TTC6: variants seen among roughly 807,000 people sequenced by gnomAD.
TTC6 encodes tetratricopeptide repeat protein 6.
A neutral mutation model predicts 210.4 loss-of-function variants in TTC6; 172 were observed. The ratio of observed to expected loss-of-function variants is 0.82; its 90% CI spans 0.72 to 0.93. The LOEUF (loss-of-function observed/expected upper bound fraction) is 0.93, where lower values mean the gene tolerates loss of function less well. Among genes scored for constraint, TTC6 ranks in the 40% least tolerant of loss-of-function variants. The probability of loss-of-function intolerance (pLI) is 0.00; values close to 1 mark genes in which losing one functional copy is unlikely to be tolerated. For synonymous variants in TTC6, 804 were observed against 819.6 expected (o/e 0.98, Z 0.32); for missense variants, 2,414 against 2,318.1 (o/e 1.04, Z -0.85).
upstream of TTC6, among the ~76,000 whole-genome samples, chr14:37,618,079 G>A (rs1383302067): frequency 2.6e-5 from 4 of 152,218 alleles, no homozygotes; most frequent in South Asian, 2.1e-4. Context: ...ACCAAGTCAT[G>A]TGGTAATCTG....
At chr14:37,748,884 T>C in intron 10 of TTC6, 55 bp from the exon 13 acceptor site, 1 of 1,340,938 alleles carries the variant, frequency 7.5e-7, no homozygotes, top group Non-Finnish European at 9.8e-7. Context: ...GATTTACTGA[T>C]TAGAAAGATG....
chr14:37,781,432 T>G (rs1219600622), intron 14 of TTC6, among the ~76,000 whole-genome samples: 1 of 152,044 alleles, frequency 6.6e-6, no homozygotes, highest in Non-Finnish European at 1.5e-5. Context: ...GTCTTTTTTT[T>G]GAAAAGTGTT....
intron 3 of TTC6, among the ~76,000 whole-genome samples, chr14:37,688,180 T>A (rs1720121419): frequency 6.6e-6 from 1 of 152,168 alleles, no homozygotes; most frequent in South Asian, 2.1e-4. Flanking sequence ...GGGCCTGAGA[T>A]GGCGGTGGCC....
chr14:37,660,026 A>C (rs2095733945), intron 1 of TTC6, among the ~76,000 whole-genome samples: 1 of 152,158 alleles, frequency 6.6e-6, no homozygotes, highest in Non-Finnish European at 1.5e-5. Context: ...CATAGTTTGC[A>C]AAAATTTTCT....
chr14:37,672,554 A>G (rs917801805), intron 1 of TTC6, among the ~76,000 whole-genome samples: 1 of 152,202 alleles, frequency 6.6e-6, no homozygotes, highest in Admixed American at 6.6e-5. Context: ...AACTCACTCA[A>G]CAGTTGGTAC....
intron 14 of TTC6, among the ~76,000 whole-genome samples, chr14:37,764,561 A>G (rs2095993058): frequency 6.6e-6 from 1 of 151,974 alleles, no homozygotes; most frequent in African/African-American, 2.4e-5. Flanking sequence ...CTTAAAATCT[A>G]TTTGGTCTGA....
exon 11 of TTC6, chr14:37,749,141 C>T: frequency 1.0e-5 from 16 of 1,535,360 alleles, no homozygotes; most frequent in Non-Finnish European, 1.4e-5. Flanking sequence ...TGCGAGCATA[C>T]CTGTAAAAGA....
At chr14:37,700,714 G>C (rs1331426547) in intron 4 of TTC6, among the ~76,000 whole-genome samples, 1 of 122,326 alleles carries the variant, frequency 8.2e-6, no homozygotes, top group Non-Finnish European at 1.6e-5. Flanking sequence ...CTGCATCCCA[G>C]CCTGAGACTG....
chr14:37,738,803 AAGG>A (rs2095909187), exon 10 of TTC6: 1 of 1,513,606 alleles, frequency 6.6e-7, no homozygotes, highest in Admixed American at 2.1e-5. Context: ...AGACTTGAGG[AAGG>A]AGAAGATCAT....
intron 6 of TTC6, among the ~76,000 whole-genome samples, chr14:37,715,889 G>A (rs562132980): frequency 6.6e-6 from 1 of 152,218 alleles, no homozygotes; most frequent in South Asian, 2.1e-4. Flanking sequence ...AAAAATCCAG[G>A]AATATGTAGA....
intron 1 of TTC6, among the ~76,000 whole-genome samples, chr14:37,675,938 G>A (rs1224671769): frequency 6.6e-6 from 1 of 151,806 alleles, no homozygotes; most frequent in East Asian, 1.9e-4. Flanking sequence ...AAAATTTGTT[G>A]TCTATCTCCT....
intron 1 of TTC6, among the ~76,000 whole-genome samples, chr14:37,625,096 T>C (rs890421116): frequency 6.6e-6 from 1 of 152,140 alleles, no homozygotes; most frequent in Non-Finnish European, 1.5e-5. Context: ...CGTTCTTGGC[T>C]TTTAAAATTT....
chr14:37,743,713 G>C (rs1232874655), intron 10 of TTC6, among the ~76,000 whole-genome samples: 1 of 152,178 alleles, frequency 6.6e-6, no homozygotes, highest in Non-Finnish European at 1.5e-5. Flanking sequence ...GATATGTATA[G>C]CTTCAAACTT....
At chr14:37,656,018 G>A (rs756982664) in intron 1 of TTC6, among the ~76,000 whole-genome samples, 1 of 152,138 alleles carries the variant, frequency 6.6e-6, no homozygotes, top group African/African-American at 2.4e-5. Context: ...CATCTCCACA[G>A]TACCTTCTTT....
intron 1 of TTC6, among the ~76,000 whole-genome samples, chr14:37,659,651 A>G (rs1335777813): frequency 2.6e-5 from 4 of 151,922 alleles, no homozygotes; most frequent in African/African-American, 9.7e-5. Context: ...CTCCCGAACA[A>G]CTGGGATTAC....
At chr14:37,714,593 C>T (rs925351881) in intron 5 of TTC6, 62 bp from the exon 8 acceptor site, 7 of 1,377,458 alleles carry the variant, frequency 5.1e-6, no homozygotes, top group East Asian at 2.5e-5. Context: ...GAAATGAGGG[C>T]AAACACCTTA....
chr14:37,644,842 G>A (rs1260988289), intron 1 of TTC6, among the ~76,000 whole-genome samples: 1 of 152,174 alleles, frequency 6.6e-6, no homozygotes, highest in African/African-American at 2.4e-5. Context: ...AAAGCCCTGG[G>A]TTTAGAGTTA....
At position 37,714,803 on chromosome 14, in the gene TTC6, ACTTT is replaced by A. The variant is rs1211446232; in HGVS notation, c.1713+12_1713+15del. On this transcript the variant is annotated splice_region_variant and intron_variant, in intron 6 of 30. Coordinates refer to ENST00000553443, the Ensembl canonical transcript of TTC6. ...GGAAGTCTTGGGAGAGGAAGTAAGA[ACTTT>A]CTTTAATATTAGTTTTTTTGTACCT... 6.5e-7 allele frequency: 1 copy of A among 1,530,664 alleles called. No individual in the cohort carries two copies. The highest frequency in any genetic ancestry group is 1.4e-5 in the African/African-American group (1 of 72,808). The allele number at this position is 1,530,664 out of a possible 1,614,324, so 94.8% of individuals were successfully genotyped here. A position where few individuals can be genotyped will look rare whatever the true frequency, so the allele number is the denominator to read the frequency against.
chr14:37,726,414 A>G (rs1433964424), intron 7 of TTC6, among the ~76,000 whole-genome samples: 2 of 152,170 alleles, frequency 1.3e-5, no homozygotes, highest in East Asian at 3.8e-4. Context: ...TGTTGATACT[A>G]CGTGTTTAGA....
Sources: gnomAD v4.1 joint callset for allele counts (sites outside exome capture counted in the v4.1 genomes callset) on GRCh38, gnomAD v4.1.1 for gene constraint, MANE v1.5 for transcripts, NCBI Gene and HGNC (gene_info 2026-07-23, HGNC 2026-07-21) for gene names.